The following DAPK1 variants were observed in gnomAD, a reference collection of about 807,000 sequenced individuals.
DAPK1 encodes the protein death associated protein kinase 1.
DAPK1 carries 56 observed loss-of-function variants against 144.9 expected under a neutral mutation model. That is an observed-to-expected ratio of 0.39 (90% CI 0.31 to 0.48). The LOEUF (loss-of-function observed/expected upper bound fraction) is 0.48, where lower values mean the gene tolerates loss of function less well. DAPK1 is among the 20% of genes least tolerant of loss of function. DAPK1 has a pLI of 0.95. For synonymous variants in DAPK1, 690 were observed against 749.0 expected, an observed-to-expected ratio of 0.92 and a Z score of 1.29; for missense variants, 1,454 against 1,875.4, an observed-to-expected ratio of 0.78 and a Z score of 4.15.
At chr9:87,595,141 C>G (rs1039936708) in intron 2 of DAPK1, among the ~76,000 whole-genome samples, 1 of 152,188 alleles carries the variant, frequency 6.6e-6, no homozygotes, top group Non-Finnish European at 1.5e-5. Flanking sequence ...CCCAAGAAAA[C>G]TGGACTTCAG....
chr9:87,514,265 A>C (rs1444720808), intron 2 of DAPK1, among the ~76,000 whole-genome samples: 2 of 152,236 alleles, frequency 1.3e-5, no homozygotes, highest in South Asian at 2.1e-4. Flanking sequence ...GGGGAGAGAA[A>C]AGGCTGCCAG....
At chr9:87,556,600 G>A (rs1826725693) in intron 2 of DAPK1, among the ~76,000 whole-genome samples, 1 of 152,152 alleles carries the variant, frequency 6.6e-6, no homozygotes, top group Non-Finnish European at 1.5e-5. Context: ...GTCTCCTGCT[G>A]AAACTCTGTG....
At position 87,502,099 on chromosome 9, in the gene DAPK1, C is replaced by T. The variant is rs181586463; in HGVS notation, c.62+2960C>T. Among the ~76,000 whole-genome samples, 1,326 of 152,128 alleles carry T rather than the reference C, an allele frequency of 8.7e-3. 9 individuals carry two copies. The highest frequency in any genetic ancestry group is 0.013 in the Non-Finnish European group (856 of 68,010). ...GCCCCAGGCAAGCTAATAACTTGGCCGGCAAGTCAATATTCTTTAAGTTTC... is the reference window on the plus strand; with the variant it reads ...GCCCCAGGCAAGCTAATAACTTGGCTGGCAAGTCAATATTCTTTAAGTTTC... On this transcript the variant is annotated intron_variant, in intron 2 of 25. Coordinates refer to ENST00000408954, the MANE Select transcript of DAPK1 (RefSeq NM_004938.4).
At chr9:87,637,110 T>G (rs1241359344) in intron 3 of DAPK1, among the ~76,000 whole-genome samples, 1 of 152,166 alleles carries the variant, frequency 6.6e-6, no homozygotes, top group Non-Finnish European at 1.5e-5. Context: ...TTTTTTTGTT[T>G]TTTTGAGACA....
intron 9 of DAPK1, among the ~76,000 whole-genome samples, chr9:87,641,423 G>A (rs148965417): frequency 2.0e-5 from 3 of 152,258 alleles, no homozygotes; most frequent in African/African-American, 7.2e-5. Flanking sequence ...ATAAAGAAGT[G>A]AACATCACAG....
At chr9:87,636,949 G>T in intron 3 of DAPK1, among the ~76,000 whole-genome samples, 1 of 152,284 alleles carries the variant, frequency 6.6e-6, no homozygotes, top group Non-Finnish European at 1.5e-5. Flanking sequence ...GCCTGGCTCT[G>T]GCGGGGAGTG....
chr9:87,703,581 C>T (rs1469616336), intron 25 of DAPK1, among the ~76,000 whole-genome samples: 6 of 152,120 alleles, frequency 3.9e-5, no homozygotes, highest in Non-Finnish European at 7.4e-5. Flanking sequence ...TTTGTATCAG[C>T]GTGGAGTCAT....
intron 18 of DAPK1, among the ~76,000 whole-genome samples, chr9:87,663,018 A>G (rs938652635): frequency 6.6e-6 from 1 of 151,968 alleles, no homozygotes; most frequent in Non-Finnish European, 1.5e-5. Context: ...CCTACCCTCC[A>G]GAAGCAATTC....
In DAPK1 at chr9:87,706,912, A is replaced by G; in HGVS notation, c.3841A>G (p.Ser1281Gly). The part of the protein sequence containing the change: ...TMGGYKESFS[S>G]IMCFGCHDVY... ...GGGGGGGTACAAGGAAAGCTTCAGC[A>G]GCATCATGTGCTTCGGGTGTCACGA... is the stretch of plus-strand genomic sequence containing the variant. The change falls in exon 26 of 26, where the codon AGC becomes GGC. Residue 1281 changes from serine to glycine, a missense_variant. Coordinates refer to ENST00000408954, the MANE Select transcript of DAPK1 (RefSeq NM_004938.4). This position sits in a 1 kb window ranked among gnomAD's most constrained non-coding sequence, Gnocchi z 9.0. The G allele has an allele frequency of 6.2e-7, 1 of 1,614,018 alleles. No individual in the cohort carries two copies. Among genetic ancestry groups the G allele is most frequent in the Non-Finnish European group, 8.5e-7 (1 of 1,180,000 alleles).
At position 87,515,259 on chromosome 9, in the gene DAPK1, G is replaced by T. The variant is rs1233249287; in HGVS notation, c.62+16120G>T. 1.6e-4 allele frequency among the ~76,000 whole-genome samples: 24 copies of T among 152,132 alleles called. 1 individual carries two copies. The highest frequency in any genetic ancestry group is 1.5e-3 in the Admixed American group (23 of 15,276). On this transcript the variant is annotated intron_variant, in intron 2 of 25. Coordinates refer to ENST00000408954, the MANE Select transcript of DAPK1 (RefSeq NM_004938.4). ...TCAACTCTGTTTTAACTCAAAAGCA[G>T]CCACAGACATTATGTGTCCAAAAGG...
At chr9:87,696,729 C>G (rs36218774) in intron 21 of DAPK1, among the ~76,000 whole-genome samples, 1 of 152,154 alleles carries the variant, frequency 6.6e-6, no homozygotes, top group Non-Finnish European at 1.5e-5. Flanking sequence ...CTCACTCACT[C>G]CTTCCCACCA....
In DAPK1 at chr9:87,640,450, A is replaced by C. The variant is rs1407640976; in HGVS notation, c.782A>C (p.Lys261Thr). The part of the protein sequence containing the change: ...FIRRLLVKDP[K>T]KRMTIQDSLQ... Reference sequence around the variant, plus strand: ...AGAAGACTTCTGGTCAAGGATCCAAAGTGAGTGTCCACGTTCCTGAAAGGT... The same window carrying C: ...AGAAGACTTCTGGTCAAGGATCCAACGTGAGTGTCCACGTTCCTGAAAGGT... Residue 261 changes from lysine (K) to threonine (T), a missense_variant and splice_region_variant, in exon 8 of 26, where the codon AAG becomes ACG. Coordinates refer to ENST00000408954, the MANE Select transcript of DAPK1 (RefSeq NM_004938.4). 9.9e-6 allele frequency: 16 copies of C among 1,613,686 alleles called. No individual in the cohort carries two copies. The highest frequency in any genetic ancestry group is 1.3e-5 in the African/African-American group (1 of 74,944).
chr9:87,681,885 C>T (rs1375135763), intron 20 of DAPK1: 3 of 540,196 alleles, frequency 5.6e-6, no homozygotes, highest in Non-Finnish European at 1.0e-5. Context: ...GGTCCATCCT[C>T]ATAAATGTGC....
chr9:87,616,503 C>T (rs775454072), intron 3 of DAPK1, among the ~76,000 whole-genome samples: 16 of 152,178 alleles, frequency 1.1e-4, no homozygotes, highest in Non-Finnish European at 2.4e-4. Context: ...CTTCAGAAAA[C>T]TCTTGACTGA....
At chr9:87,694,059 G>C (rs1825172541) in intron 21 of DAPK1, among the ~76,000 whole-genome samples, 2 of 152,148 alleles carry the variant, frequency 1.3e-5, no homozygotes, top group African/African-American at 2.4e-5. Flanking sequence ...CAGACAGCTT[G>C]CTCAAGTGCT....
chr9:87,691,420 G>T (rs2117963288), intron 21 of DAPK1, among the ~76,000 whole-genome samples: 1 of 151,764 alleles, frequency 6.6e-6, no homozygotes, highest in Admixed American at 6.6e-5. Flanking sequence ...TAGCAATTTT[G>T]TTTATATTAT....
intron 11 of DAPK1, 58 bp downstream of exon 11, chr9:87,643,526 C>T: frequency 1.8e-6 from 2 of 1,109,502 alleles, no homozygotes; most frequent in Non-Finnish European, 2.7e-6. Context: ...TCAGAATGAC[C>T]AAGCTGTTCT....
intron 2 of DAPK1, among the ~76,000 whole-genome samples, chr9:87,595,229 C>T (rs893369280): frequency 5.9e-5 from 9 of 152,146 alleles, no homozygotes; most frequent in Admixed American, 2.6e-4. Flanking sequence ...TGTGAAATGC[C>T]GAATGCTATT....
At chr9:87,547,407 C>T (rs558574582) in intron 2 of DAPK1, among the ~76,000 whole-genome samples, 1 of 152,254 alleles carries the variant, frequency 6.6e-6, no homozygotes, top group East Asian at 1.9e-4. Flanking sequence ...CTGTGCTGAA[C>T]AGTACAGTAG....
Sources: gnomAD v4.1 joint callset for allele counts (sites outside exome capture counted in the v4.1 genomes callset) on GRCh38, gnomAD v4.1.1 for gene constraint, Gnocchi (gnomAD v3.1) non-coding constraint, MANE v1.5 for transcripts, NCBI Gene and HGNC (gene_info 2026-07-23, HGNC 2026-07-21) for gene names.